CAMK1D: variants seen among roughly 807,000 people sequenced by gnomAD.
CAMK1D encodes calcium/calmodulin dependent protein kinase ID, also known as calcium/calmodulin-dependent protein kinase type 1D.
A neutral mutation model predicts 47.7 loss-of-function variants in CAMK1D; 9 were observed. That is an observed-to-expected ratio of 0.19 (90% CI 0.11 to 0.33). The LOEUF (loss-of-function observed/expected upper bound fraction) is 0.33. Among genes scored for constraint, CAMK1D ranks in the 10% least tolerant of loss-of-function variants. CAMK1D has a pLI of 1.00. For missense variants in CAMK1D, 291 were observed against 488.7 expected (o/e 0.60, Z 3.81); for synonymous variants, 184 against 184.9 (o/e 0.99, Z 0.04).
At chr10:12,405,424 T>C (rs1243814611) in intron 1 of CAMK1D, among the ~76,000 whole-genome samples, 1 of 152,196 alleles carries the variant, frequency 6.6e-6, no homozygotes, top group Non-Finnish European at 1.5e-5. Flanking sequence ...AGCTGTAATA[T>C]GCACCATGTT....
chr10:12,704,109 A>C (rs956444473), intron 3 of CAMK1D, among the ~76,000 whole-genome samples: 5 of 152,190 alleles, frequency 3.3e-5, no homozygotes, highest in African/African-American at 7.2e-5. Flanking sequence ...CAAAAGACCC[A>C]ATTAGTGGAG....
intron 3 of CAMK1D, among the ~76,000 whole-genome samples, chr10:12,716,660 C>T (rs780242195): frequency 6.6e-6 from 1 of 152,080 alleles, no homozygotes; most frequent in Non-Finnish European, 1.5e-5. Context: ...GCTACGACTG[C>T]GTCATGTGAA....
chr10:12,497,110 G>A (rs564336273), intron 1 of CAMK1D, among the ~76,000 whole-genome samples: 1 of 152,110 alleles, frequency 6.6e-6, no homozygotes, highest in African/African-American at 2.4e-5. Flanking sequence ...TGGTGTATAT[G>A]TACCACATTT....
chr10:12,608,594 A>G (rs1838532009), intron 2 of CAMK1D, among the ~76,000 whole-genome samples: 1 of 152,230 alleles, frequency 6.6e-6, no homozygotes, highest in South Asian at 2.1e-4. Flanking sequence ...GGCATCTGCA[A>G]AGAGCCACCA....
At position 12,615,577 on chromosome 10, in the gene CAMK1D, G is replaced by C. The variant is rs548673839; in HGVS notation, c.225-51159G>C. The stretch of plus-strand genomic sequence containing the variant: ...TTATGTGTGTATATCGTGTGTGTGC[G>C]TGTGTGTAGGTGTGTATTGTGTTTG... On this transcript the variant is annotated intron_variant, in intron 2 of 10. Transcript: ENST00000619168. Among the ~76,000 whole-genome samples the C allele has an allele frequency of 1.6e-3, 21 of 13,440 alleles. No individual in the cohort carries two copies. In the East Asian group the frequency reaches 0.45, roughly 291 times the overall value. The allele number at this position is 13,440 out of a possible 152,430, so 8.8% of individuals were successfully genotyped here. A position where few individuals can be genotyped will look rare whatever the true frequency, so the allele number is the denominator to read the frequency against.
At chr10:12,413,386 A>G (rs939655896) in intron 1 of CAMK1D, among the ~76,000 whole-genome samples, 4 of 152,152 alleles carry the variant, frequency 2.6e-5, no homozygotes, top group Non-Finnish European at 5.9e-5. Context: ...TGGGGAGTAC[A>G]ATTCATCATA....
intron 1 of CAMK1D, among the ~76,000 whole-genome samples, chr10:12,474,149 T>C (rs933391231): frequency 6.6e-6 from 1 of 150,906 alleles, no homozygotes; most frequent in Non-Finnish European, 1.5e-5. Flanking sequence ...AGCAATAGGC[T>C]AGACTGTGTC....
At chr10:12,724,291 A>G (rs370977267) in intron 3 of CAMK1D, among the ~76,000 whole-genome samples, 12 of 152,278 alleles carry the variant, frequency 7.9e-5, no homozygotes, top group African/African-American at 2.9e-4. Flanking sequence ...ATGTGTTTCT[A>G]TCTTTTTGTC....
chr10:12,685,860 A>G (rs1832639670), intron 3 of CAMK1D, among the ~76,000 whole-genome samples: 1 of 152,202 alleles, frequency 6.6e-6, no homozygotes, highest in African/African-American at 2.4e-5. Context: ...TCTTCGGGAA[A>G]GTTGTGCCGG....
At chr10:12,690,309 C>T (rs937666297) in intron 3 of CAMK1D, among the ~76,000 whole-genome samples, 2 of 152,080 alleles carry the variant, frequency 1.3e-5, no homozygotes, top group Non-Finnish European at 2.9e-5. Flanking sequence ...TAATAAAAGA[C>T]CATGAGATTT....
chr10:12,731,257 A>G (rs1162211971), intron 3 of CAMK1D, among the ~76,000 whole-genome samples: 2 of 152,172 alleles, frequency 1.3e-5, no homozygotes, highest in Admixed American at 6.5e-5. Flanking sequence ...TGCGTCCTCT[A>G]TGAAGGGAGA....
chr10:12,788,494 G>T (rs1346369978), intron 5 of CAMK1D, among the ~76,000 whole-genome samples: 1 of 152,204 alleles, frequency 6.6e-6, no homozygotes, highest in Non-Finnish European at 1.5e-5. Flanking sequence ...TCAGCTCTGC[G>T]GGAGGGGAAG....
chr10:12,693,985 AT>A (rs1401866187), intron 3 of CAMK1D, among the ~76,000 whole-genome samples: 9 of 84,574 alleles, frequency 1.1e-4, no homozygotes, highest in African/African-American at 4.2e-4. Context: ...TATATATTAT[AT>A]ATACATATAA....
chr10:12,525,448 A>T (rs1052183829), intron 1 of CAMK1D, among the ~76,000 whole-genome samples: 1 of 152,118 alleles, frequency 6.6e-6, no homozygotes, highest in South Asian at 2.1e-4. Context: ...TCTCTACAAG[A>T]TCATTCTCTC....
At chr10:12,423,483 C>A (rs942771864) in intron 1 of CAMK1D, among the ~76,000 whole-genome samples, 1 of 152,054 alleles carries the variant, frequency 6.6e-6, no homozygotes, top group Non-Finnish European at 1.5e-5. Context: ...TGACTACGCT[C>A]CAGCCCAGGG....
intron 1 of CAMK1D, among the ~76,000 whole-genome samples, chr10:12,427,700 G>GTTTTTTGTT (rs1840284197): frequency 4.8e-4 from 15 of 31,036 alleles, no homozygotes; most frequent in Admixed American, 9.9e-4. Context: ...TGAACTTACT[G>GTTTTTTGTT]TTTTTTTTTT....
At chr10:12,771,839 G>T (rs1837053073) in intron 5 of CAMK1D, among the ~76,000 whole-genome samples, 1 of 152,186 alleles carries the variant, frequency 6.6e-6, no homozygotes, top group Admixed American at 6.5e-5. Flanking sequence ...TTCAAGATCA[G>T]CCTGGCCAAC....
intron 1 of CAMK1D, among the ~76,000 whole-genome samples, chr10:12,391,772 T>C (rs181090430): frequency 2.0e-4 from 30 of 152,254 alleles, no homozygotes; most frequent in African/African-American, 4.3e-4. Flanking sequence ...ATAAGGAAAT[T>C]AGGAAGACTA....
intron 3 of CAMK1D, among the ~76,000 whole-genome samples, chr10:12,683,470 C>A (rs970130985): frequency 1.3e-5 from 2 of 152,112 alleles, no homozygotes; most frequent in African/African-American, 4.8e-5. Context: ...ATGGTGCTAA[C>A]TTCAGTGGCA....
Sources: allele counts gnomAD v4.1 joint callset (sites outside exome capture counted in the v4.1 genomes callset), GRCh38; gene constraint gnomAD v4.1.1; transcripts MANE v1.5; gene names NCBI Gene and HGNC (gene_info 2026-07-23, HGNC 2026-07-21).